Variants in PTPRM observed in about 807,000 individuals in gnomAD.
The protein encoded by PTPRM is receptor-type tyrosine-protein phosphatase mu.
A neutral mutation model predicts 186.7 loss-of-function variants in PTPRM; 47 were observed. The ratio of observed to expected loss-of-function variants is 0.25; its 90% CI spans 0.20 to 0.32. The LOEUF (loss-of-function observed/expected upper bound fraction) is 0.32. PTPRM is among the 10% of genes least tolerant of loss of function. The probability of loss-of-function intolerance (pLI) is 1.00; values close to 1 mark genes in which losing one functional copy is unlikely to be tolerated. For synonymous variants in PTPRM, 668 were observed against 674.9 expected, an observed-to-expected ratio of 0.99 and a Z score of 0.16; for missense variants, 1,494 against 1,865.0, an observed-to-expected ratio of 0.80 and a Z score of 3.66.
At chr18:7,585,081 C>T (rs756605319) in intron 1 of PTPRM, among the ~76,000 whole-genome samples, 2 of 152,172 alleles carry the variant, frequency 1.3e-5, no homozygotes, top group Non-Finnish European at 2.9e-5. Flanking sequence ...GCCAAGTGTG[C>T]AGGAGGAAAG....
At chr18:7,946,974 T>C (rs1469033098) in intron 5 of PTPRM, 1 of 456,204 alleles carries the variant, frequency 2.2e-6, no homozygotes, top group Non-Finnish European at 4.4e-6. Flanking sequence ...TCTCCCTCCA[T>C]CCTGTGAGTT....
intron 23 of PTPRM, among the ~76,000 whole-genome samples, chr18:8,357,789 A>C (rs1417781074): frequency 2.0e-5 from 3 of 152,238 alleles, no homozygotes; most frequent in African/African-American, 7.2e-5. Flanking sequence ...AGATGCAAAA[A>C]CATATACAAT....
intron 22 of PTPRM, among the ~76,000 whole-genome samples, chr18:8,339,739 G>A (rs2095462917): frequency 6.9e-6 from 1 of 145,540 alleles, no homozygotes; most frequent in Admixed American, 6.9e-5. Flanking sequence ...GCTCATGATG[G>A]TCGTGGTCAC....
At chr18:8,021,956 G>A (rs76712893) in intron 7 of PTPRM, among the ~76,000 whole-genome samples, 5,910 of 152,154 alleles carry the variant, frequency 0.039, 378 homozygotes, top group African/African-American at 0.13. Context: ...AATTCTATCA[G>A]TTTTATGAGC....
intron 13 of PTPRM, among the ~76,000 whole-genome samples, chr18:8,115,802 G>A (rs544853023): frequency 1.3e-5 from 2 of 152,268 alleles, no homozygotes; most frequent in South Asian, 2.1e-4. Context: ...TGATGTACAT[G>A]TGCATTTTCA....
chr18:8,219,521 A>G (rs974695687), intron 14 of PTPRM, among the ~76,000 whole-genome samples: 6 of 152,126 alleles, frequency 3.9e-5, no homozygotes, highest in Non-Finnish European at 7.3e-5. Context: ...CCAAGGAAAA[A>G]CAGTCTTAAG....
intron 1 of PTPRM, among the ~76,000 whole-genome samples, chr18:7,736,915 A>G (rs1194638028): frequency 6.6e-6 from 1 of 152,118 alleles, no homozygotes; most frequent in Non-Finnish European, 1.5e-5. Flanking sequence ...ATAAAATAAT[A>G]TGAGAGGTCT....
chr18:7,812,387 C>A (rs1025688890), intron 2 of PTPRM, among the ~76,000 whole-genome samples: 2 of 152,172 alleles, frequency 1.3e-5, no homozygotes, highest in Non-Finnish European at 2.9e-5. Flanking sequence ...AGCTGCTTTT[C>A]TCTTTCTAGT....
At chr18:8,390,211 G>A (rs532756513) in intron 31 of PTPRM, among the ~76,000 whole-genome samples, 1 of 152,338 alleles carries the variant, frequency 6.6e-6, no homozygotes, top group South Asian at 2.1e-4. Flanking sequence ...TTGCAACGCA[G>A]CACTGCAGTG....
At chr18:7,597,214 G>C (rs959705346) in intron 1 of PTPRM, among the ~76,000 whole-genome samples, 1 of 152,068 alleles carries the variant, frequency 6.6e-6, no homozygotes, top group African/African-American at 2.4e-5. Flanking sequence ...GCACATGTGT[G>C]GTAAAGGGGG....
intron 2 of PTPRM, among the ~76,000 whole-genome samples, chr18:7,840,256 A>C (rs559423428): frequency 6.6e-6 from 1 of 151,558 alleles, no homozygotes; most frequent in Non-Finnish European, 1.5e-5. Context: ...GATAGGTGTT[A>C]ATTGGTGTCC....
chr18:8,141,252 C>G (rs981208732), intron 13 of PTPRM, among the ~76,000 whole-genome samples: 2 of 152,166 alleles, frequency 1.3e-5, no homozygotes, highest in African/African-American at 4.8e-5. Context: ...GTCCTAAACC[C>G]AAACACCCGA....
At chr18:7,833,963 C>G (rs1221985256) in intron 2 of PTPRM, among the ~76,000 whole-genome samples, 2 of 152,106 alleles carry the variant, frequency 1.3e-5, no homozygotes, top group African/African-American at 4.8e-5. Context: ...AGTTCTCTTG[C>G]CTGATTGTTC....
intron 23 of PTPRM, among the ~76,000 whole-genome samples, chr18:8,349,892 C>T (rs972652223): frequency 1.3e-5 from 2 of 152,220 alleles, no homozygotes; most frequent in South Asian, 2.1e-4. Context: ...ACTGGTCACC[C>T]TGGTGTTCAC....
chr18:8,378,523 T>C (rs1648577614), intron 27 of PTPRM, 109 bp downstream of exon 27: 8 of 1,363,310 alleles, frequency 5.9e-6, no homozygotes, highest in Non-Finnish European at 8.0e-6. Flanking sequence ...TTGGCCTCCA[T>C]AGCACTGTTC....
chr18:8,280,076 G>A (rs1428964836), intron 19 of PTPRM, among the ~76,000 whole-genome samples: 1 of 151,972 alleles, frequency 6.6e-6, no homozygotes, highest in Admixed American at 6.6e-5. Context: ...GTACGCATCT[G>A]CTAGGGCTGC....
intron 22 of PTPRM, among the ~76,000 whole-genome samples, chr18:8,338,511 A>G (rs866722255): frequency 2.0e-5 from 3 of 152,070 alleles, no homozygotes; most frequent in Non-Finnish European, 4.4e-5. Context: ...CCGATGTTCA[A>G]ATGAGGCGGT....
intron 1 of PTPRM, among the ~76,000 whole-genome samples, chr18:7,746,849 T>G (rs929318832): frequency 6.6e-6 from 1 of 152,134 alleles, no homozygotes; most frequent in Admixed American, 6.5e-5. Context: ...GGATGGCGAT[T>G]GGTTCTGTGG....
chr18:8,015,550 T>C (rs953750863), intron 7 of PTPRM, among the ~76,000 whole-genome samples: 17 of 150,714 alleles, frequency 1.1e-4, no homozygotes, highest in Non-Finnish European at 1.0e-4. Context: ...GACAACCAGA[T>C]TGACAACTCT....
Sources: gnomAD v4.1 joint callset for allele counts (sites outside exome capture counted in the v4.1 genomes callset) on GRCh38, gnomAD v4.1.1 for gene constraint, MANE v1.5 for transcripts, NCBI Gene and HGNC (gene_info 2026-07-23, HGNC 2026-07-21) for gene names.